Variants in SPTLC3 observed in about 807,000 individuals in gnomAD.
The protein encoded by SPTLC3 is serine palmitoyltransferase long chain base subunit 3, also known as serine palmitoyltransferase 3.
Under a neutral mutation model 59.3 loss-of-function variants are expected in SPTLC3, and 36 were observed. The ratio of observed to expected loss-of-function variants is 0.61; its 90% CI spans 0.47 to 0.80. The LOEUF (loss-of-function observed/expected upper bound fraction) is 0.80, where lower values mean the gene tolerates loss of function less well. SPTLC3 is among the 30% of genes least tolerant of loss of function. The pLI, the probability that SPTLC3 is intolerant of heterozygous loss-of-function variation, is 0.00. For missense variants in SPTLC3, 625 were observed against 685.1 expected (o/e 0.91, Z 0.98); for synonymous variants, 257 against 240.8 (o/e 1.07, Z -0.62).
chr20:13,031,337 A>G lies in SPTLC3; in HGVS notation c.118-17608A>G, dbSNP rs539791513. ...AAACTATTGAAATTTAAATGTAACT[A>G]ACGACATATGGCTAGCAACAATTGT... On this transcript the variant is annotated intron_variant, in intron 1 of 11. Coordinates refer to ENST00000399002, the MANE Select transcript of SPTLC3 (RefSeq NM_018327.4). Among the ~76,000 whole-genome samples, 57 of 152,290 alleles carry G rather than the reference A, an allele frequency of 3.7e-4. No homozygotes were observed. The South Asian group carries it at 5.6e-3, about 15-fold the overall frequency.
chr20:13,133,295 G>A (rs1349305628), intron 9 of SPTLC3, among the ~76,000 whole-genome samples: 1 of 152,104 alleles, frequency 6.6e-6, no homozygotes, highest in African/African-American at 2.4e-5. Context: ...TGACATGCTT[G>A]CTGCATTCTA....
chr20:13,095,100 A>G (rs2122638429), intron 6 of SPTLC3, among the ~76,000 whole-genome samples: 1 of 152,328 alleles, frequency 6.6e-6, no homozygotes, highest in African/African-American at 2.4e-5. Context: ...TAAGTTTATT[A>G]AGAGACTACA....
Position 13,009,442 on chromosome 20 carries a change from T to G in SPTLC3, c.117+58T>G, listed in dbSNP as rs2122342869. ...TTACCTGAACGTTTCAATATTTCTC[T>G]GTGAAGATATTTGAGGCTGTCCTAA... On this transcript the variant is annotated intron_variant, in intron 1 of 11. Transcript: ENST00000399002. 6.8e-6 allele frequency: 10 copies of G among 1,466,138 alleles called. No individual in the cohort carries two copies. In the South Asian group the frequency reaches 1.1e-4, roughly 15 times the overall value. The allele number at this position is 1,466,138 out of a possible 1,614,324, so 90.8% of individuals were successfully genotyped here. A position where few individuals can be genotyped will look rare whatever the true frequency, so the allele number is the denominator to read the frequency against.
chr20:13,023,189 G>A (rs1985976311), intron 1 of SPTLC3, among the ~76,000 whole-genome samples: 1 of 151,696 alleles, frequency 6.6e-6, no homozygotes, highest in Admixed American at 6.6e-5. Context: ...TTCTAAAATT[G>A]CAACCCACCC....
chr20:13,025,205 AT>A (rs1217303887), intron 1 of SPTLC3, among the ~76,000 whole-genome samples: 1 of 152,188 alleles, frequency 6.6e-6, no homozygotes, highest in Non-Finnish European at 1.5e-5. Context: ...TTTTATAAAT[AT>A]TGTCAATCCT....
chr20:13,044,061 A>G (rs1987116506), intron 1 of SPTLC3, among the ~76,000 whole-genome samples: 2 of 150,534 alleles, frequency 1.3e-5, no homozygotes, highest in South Asian at 4.2e-4. Flanking sequence ...TCTTCTCCCT[A>G]GGTATTGATA....
intron 1 of SPTLC3, among the ~76,000 whole-genome samples, chr20:13,044,029 C>T (rs577309680): frequency 2.0e-5 from 3 of 152,144 alleles, no homozygotes; most frequent in African/African-American, 7.2e-5. Context: ...TTGCTGTCTC[C>T]TTAGAGGACC....
At chr20:13,111,237 G>A (rs1420149646) in intron 7 of SPTLC3, among the ~76,000 whole-genome samples, 1 of 152,104 alleles carries the variant, frequency 6.6e-6, no homozygotes, top group Non-Finnish European at 1.5e-5. Context: ...GTTTCTACCA[G>A]CTCACTTTCT....
At chr20:13,064,449 C>T (rs1029692379) in intron 2 of SPTLC3, among the ~76,000 whole-genome samples, 1 of 152,176 alleles carries the variant, frequency 6.6e-6, no homozygotes, top group Non-Finnish European at 1.5e-5. Flanking sequence ...ATGCGCGCCA[C>T]CGCGCCCGGC....
chr20:13,135,480 G>A (rs1188192657), intron 9 of SPTLC3, among the ~76,000 whole-genome samples: 1 of 152,214 alleles, frequency 6.6e-6, no homozygotes, highest in East Asian at 1.9e-4. Flanking sequence ...TTAACCTGAT[G>A]CATCTAGTGA....
rs904253437 is a variant in SPTLC3, at chr20:13,165,061, G to A, written c.*194G>A. 5 of 528,962 alleles carry A rather than the reference G, an allele frequency of 9.5e-6. No homozygotes were observed. The highest frequency in any genetic ancestry group is 1.3e-5 in the Non-Finnish European group (4 of 297,542). 32.8% of individuals were successfully genotyped at this position (528,962 alleles called of 1,614,324 possible). A position where few individuals can be genotyped will look rare whatever the true frequency, so the allele number is the denominator to read the frequency against. On this transcript the variant is annotated 3_prime_UTR_variant, in exon 12 of 12. Transcript: ENST00000399002. ...CTGCAGAGACAAAAACATGATTCCA[G>A]ATTTAAGTCTCTCTTCTTCCAAGTA...
intron 9 of SPTLC3, among the ~76,000 whole-genome samples, chr20:13,147,120 C>G (rs967969076): frequency 3.3e-5 from 5 of 152,096 alleles, no homozygotes; most frequent in African/African-American, 1.2e-4. Flanking sequence ...GCTGCCCACC[C>G]CTGATGTCCA....
At chr20:13,028,628 A>G (rs1013833976) in intron 1 of SPTLC3, among the ~76,000 whole-genome samples, 7 of 152,156 alleles carry the variant, frequency 4.6e-5, no homozygotes, top group Non-Finnish European at 1.0e-4. Flanking sequence ...ATTTTCATAC[A>G]TGTCTTTAAA....
At chr20:13,048,762 T>C (rs552406899) in intron 1 of SPTLC3, among the ~76,000 whole-genome samples, 183 bp from the exon 2 acceptor site, 2 of 152,346 alleles carry the variant, frequency 1.3e-5, no homozygotes, top group South Asian at 4.1e-4. Context: ...TCAATTATGT[T>C]ACTATGGCTT....
chr20:13,126,166 G>A (rs553187187), intron 8 of SPTLC3, among the ~76,000 whole-genome samples: 1 of 152,238 alleles, frequency 6.6e-6, no homozygotes, highest in Non-Finnish European at 1.5e-5. Flanking sequence ...AGTTTGCATG[G>A]ACTGTGACTT....
intron 1 of SPTLC3, among the ~76,000 whole-genome samples, chr20:13,043,147 A>G (rs1987066270): frequency 6.6e-6 from 1 of 152,236 alleles, no homozygotes; most frequent in Admixed American, 6.5e-5. Flanking sequence ...TCTCCCTCAG[A>G]GAAGGATCTA....
chr20:13,020,600 T>C (rs1985829114), intron 1 of SPTLC3, among the ~76,000 whole-genome samples: 1 of 152,176 alleles, frequency 6.6e-6, no homozygotes, highest in Non-Finnish European at 1.5e-5. Flanking sequence ...GCTGTAAAAC[T>C]ATTTTTATAT....
chr20:13,071,624 G>C (rs1451922969), intron 2 of SPTLC3, among the ~76,000 whole-genome samples: 2 of 152,106 alleles, frequency 1.3e-5, no homozygotes, highest in African/African-American at 4.8e-5. Flanking sequence ...CGGGAAGAGG[G>C]AACTATTAAG....
chr20:13,139,911 C>T (rs2038341344), intron 9 of SPTLC3, among the ~76,000 whole-genome samples: 2 of 152,182 alleles, frequency 1.3e-5, no homozygotes, highest in African/African-American at 2.4e-5. Context: ...TAGGGACTCT[C>T]GGGTCTACTA....
Sources: gnomAD v4.1 joint callset for allele counts (sites outside exome capture counted in the v4.1 genomes callset) on GRCh38, gnomAD v4.1.1 for gene constraint, MANE v1.5 for transcripts, NCBI Gene and HGNC (gene_info 2026-07-23, HGNC 2026-07-21) for gene names.